The following ST8SIA2 variants were observed in gnomAD, a reference collection of about 807,000 sequenced individuals.
The protein encoded by ST8SIA2 is alpha-2,8-sialyltransferase 8B.
ST8SIA2 carries 22 observed loss-of-function variants against 37.6 expected under a neutral mutation model. The observed-to-expected ratio is 0.58, with a 90% CI of 0.42 to 0.83. The LOEUF (loss-of-function observed/expected upper bound fraction) is 0.83, where lower values mean the gene tolerates loss of function less well. ST8SIA2 is among the 40% of genes least tolerant of loss of function. The pLI is 0.00. For synonymous variants in ST8SIA2, 205 were observed against 201.2 expected (o/e 1.02, Z -0.16); for missense variants, 382 against 484.7 (o/e 0.79, Z 1.99).
chr15:92,443,551 G>A (rs891066509), intron 4 of ST8SIA2, among the ~76,000 whole-genome samples: 20 of 151,944 alleles, frequency 1.3e-4, no homozygotes, highest in African/African-American at 3.6e-4. Context: ...ATTCTAAACC[G>A]TCCCTGTCAC....
chr15:92,454,455 T>C (rs1439099506), intron 5 of ST8SIA2, among the ~76,000 whole-genome samples: 1 of 152,020 alleles, frequency 6.6e-6, no homozygotes, highest in Non-Finnish European at 1.5e-5. Flanking sequence ...CATCAACATA[T>C]GAGTTTGGGG....
At chr15:92,402,776 C>T (rs1420724280) in intron 1 of ST8SIA2, among the ~76,000 whole-genome samples, 1 of 152,178 alleles carries the variant, frequency 6.6e-6, no homozygotes, top group Admixed American at 6.5e-5. Context: ...CCTCTCCTCT[C>T]ACACCAGCTT....
intron 5 of ST8SIA2, among the ~76,000 whole-genome samples, chr15:92,460,464 T>A (rs1359837690): frequency 6.6e-6 from 1 of 152,224 alleles, no homozygotes; most frequent in Non-Finnish European, 1.5e-5. Context: ...ATGAATACTT[T>A]GCAGGGATCT....
chr15:92,408,809 A>C (rs918968461), intron 1 of ST8SIA2, among the ~76,000 whole-genome samples: 1 of 151,794 alleles, frequency 6.6e-6, no homozygotes, highest in Admixed American at 6.6e-5. Flanking sequence ...GGGTTCAAGC[A>C]ATTCTCCTGC....
chr15:92,452,768 A>G (rs1170170501), intron 5 of ST8SIA2, among the ~76,000 whole-genome samples: 2 of 152,180 alleles, frequency 1.3e-5, no homozygotes, highest in African/African-American at 2.4e-5. Context: ...ATCGAAGGGG[A>G]CAAATGTTGA....
chr15:92,405,729 C>T (rs2049503929), intron 1 of ST8SIA2, among the ~76,000 whole-genome samples: 1 of 152,178 alleles, frequency 6.6e-6, no homozygotes. Flanking sequence ...CAAATCATCA[C>T]TTTGTTGTAT....
intron 4 of ST8SIA2, among the ~76,000 whole-genome samples, chr15:92,442,356 A>T (rs2049809298): frequency 6.6e-6 from 1 of 152,058 alleles, no homozygotes; most frequent in Non-Finnish European, 1.5e-5. Flanking sequence ...CCCATTACCC[A>T]CAGCATCTTC....
intron 1 of ST8SIA2, among the ~76,000 whole-genome samples, chr15:92,397,498 T>C (rs1348334270): frequency 6.6e-6 from 1 of 152,218 alleles, no homozygotes; most frequent in Non-Finnish European, 1.5e-5. Context: ...ATAAGTTCTC[T>C]GCAAAGCACC....
chr15:92,404,519 T>G (rs1397690392), intron 1 of ST8SIA2, among the ~76,000 whole-genome samples: 1 of 152,038 alleles, frequency 6.6e-6, no homozygotes, highest in Non-Finnish European at 1.5e-5. Context: ...TGGGTGTATA[T>G]TCAAAAGAAT....
intron 1 of ST8SIA2, among the ~76,000 whole-genome samples, chr15:92,421,984 C>A (rs920256736): frequency 1.3e-5 from 2 of 152,198 alleles, no homozygotes; most frequent in Non-Finnish European, 2.9e-5. Context: ...TCAATTATGA[C>A]TATAGCTTAA....
intron 4 of ST8SIA2, 116 bp from the exon 5 acceptor site, chr15:92,444,520 G>A (rs548097795): frequency 7.8e-7 from 1 of 1,274,218 alleles, no homozygotes; most frequent in South Asian, 1.3e-5. Context: ...GAGATGCCCT[G>A]GGTCTTTGTT....
intron 1 of ST8SIA2, among the ~76,000 whole-genome samples, chr15:92,416,482 A>G (rs992063049): frequency 6.6e-6 from 1 of 152,132 alleles, no homozygotes; most frequent in African/African-American, 2.4e-5. Flanking sequence ...CAAAGGGCAC[A>G]CTCACACCAA....
chr15:92,460,770 CT>C (rs1438431602), intron 5 of ST8SIA2, among the ~76,000 whole-genome samples: 1 of 152,228 alleles, frequency 6.6e-6, no homozygotes, highest in Non-Finnish European at 1.5e-5. Flanking sequence ...ACCCACCTAT[CT>C]GTTGGGTCTG....
chr15:92,401,257 G>A (rs564786670), intron 1 of ST8SIA2, among the ~76,000 whole-genome samples: 9 of 152,236 alleles, frequency 5.9e-5, no homozygotes, highest in African/African-American at 1.2e-4. Context: ...GTGAGACACC[G>A]TCGCCTGTGG....
chr15:92,458,480 T>C (rs1478584485), intron 5 of ST8SIA2, among the ~76,000 whole-genome samples: 2 of 152,172 alleles, frequency 1.3e-5, no homozygotes, highest in African/African-American at 4.8e-5. Flanking sequence ...TGCCTTTGAA[T>C]CCTACTACAA....
chr15:92,436,559 A>T (rs146278027), intron 3 of ST8SIA2, among the ~76,000 whole-genome samples: 2 of 152,326 alleles, frequency 1.3e-5, no homozygotes, highest in East Asian at 3.9e-4. Context: ...AAATTAATTC[A>T]CTCACAGAGG....
At chr15:92,459,364 G>A (rs1352419472) in intron 5 of ST8SIA2, among the ~76,000 whole-genome samples, 27 of 152,186 alleles carry the variant, frequency 1.8e-4, no homozygotes, top group Admixed American at 1.8e-3. Context: ...CCCAGCCTGG[G>A]GAGTTGCCAT....
intron 3 of ST8SIA2, 59 bp downstream of exon 3, chr15:92,434,434 A>T: frequency 6.2e-7 from 1 of 1,612,262 alleles, no homozygotes; most frequent in Non-Finnish European, 8.5e-7. Context: ...ACACGGGCAA[A>T]TTGCTTCTCT....
chr15:92,415,933 A>T (rs1368862502), intron 1 of ST8SIA2, among the ~76,000 whole-genome samples: 1 of 152,150 alleles, frequency 6.6e-6, no homozygotes, highest in Non-Finnish European at 1.5e-5. Flanking sequence ...GGAAAAGAAG[A>T]TGAGGCTGAA....
Sources: allele counts gnomAD v4.1 joint callset (sites outside exome capture counted in the v4.1 genomes callset), GRCh38; gene constraint gnomAD v4.1.1; transcripts MANE v1.5; gene names NCBI Gene and HGNC (gene_info 2026-07-23, HGNC 2026-07-21).